GLIS3: variants seen among roughly 807,000 people sequenced by gnomAD.
The protein encoded by GLIS3 is zinc finger protein GLIS3.
GLIS3 carries 53 observed loss-of-function variants against 78.6 expected under a neutral mutation model. The observed-to-expected ratio is 0.67, with a 90% CI of 0.54 to 0.85. GLIS3 has a LOEUF of 0.85. Ranked by LOEUF, GLIS3 falls within the 40% of genes least tolerant of loss-of-function variation. GLIS3 has a pLI of 0.00. For synonymous variants in GLIS3, 684 were observed against 509.9 expected, an observed-to-expected ratio of 1.34 and a Z score of -4.60; for missense variants, 1,703 against 1,231.1, an observed-to-expected ratio of 1.38 and a Z score of -5.74.
chr9:4,355,375 G>C, the GLIS3 span, among the ~76,000 whole-genome samples: 1 of 152,110 alleles, frequency 6.6e-6, no homozygotes, highest in Non-Finnish European at 1.5e-5. Context: ...AGAGGGGTAA[G>C]CACATGGCTG....
At position 3,976,795 on chromosome 9, in the gene GLIS3, CAAAAAAAAAAAAAAAAAAAAAAAAAAAAA is replaced by C. The variant is rs540496174; in HGVS notation, c.1711-39635_1711-39607del. On this transcript the variant is annotated intron_variant, in intron 4 of 10. Coordinates refer to ENST00000381971, the MANE Select transcript of GLIS3 (RefSeq NM_001042413.2). ...ATGGGAGACAGAAATCCTCCCCCTG[CAAAAAAAAAAAAAAAAAAAAAAAAAAAAA>C]AAAAAAAAAAAAAAAAAAATCCACA... Among the ~76,000 whole-genome samples the C allele has an allele frequency of 6.2e-3, 162 of 26,184 alleles. 4 individuals carry two copies. The East Asian group carries it at 0.086, about 14-fold the overall frequency. 17.2% of individuals were successfully genotyped at this position (26,184 alleles called of 152,430 possible).
chr9:4,477,050 T>C, the GLIS3 span, among the ~76,000 whole-genome samples: 2 of 152,096 alleles, frequency 1.3e-5, no homozygotes, highest in African/African-American at 4.8e-5. Context: ...GTTCCAGTAA[T>C]TATGCTTCTG....
chr9:3,898,774 A>G lies in GLIS3; in HGVS notation c.2045T>C (p.Leu682Pro). 6.2e-7 allele frequency: 1 copy of G among 1,614,196 alleles called. No homozygotes were observed. Among genetic ancestry groups the G allele is most frequent in the Non-Finnish European group, 8.5e-7 (1 of 1,180,028 alleles). ...LLTDCLTVQS[L>P]QPATSPRDAA... ...ATCTCTAGGGGAAGTGGCCGGCTGCAGGGACTGCACGGTGAGGCAATCTGT... is the reference window on the plus strand; with the variant it reads ...ATCTCTAGGGGAAGTGGCCGGCTGCGGGGACTGCACGGTGAGGCAATCTGT... The change falls in exon 7 of 11, where the codon CTG becomes CCG. Residue 682 changes from leucine (L) to proline (P), a missense_variant. Coordinates refer to ENST00000381971, the MANE Select transcript of GLIS3 (RefSeq NM_001042413.2).
chr9:4,488,180 C>G, the GLIS3 span, among the ~76,000 whole-genome samples: 3 of 152,070 alleles, frequency 2.0e-5, no homozygotes, highest in African/African-American at 7.2e-5. Context: ...GTCCTAAACT[C>G]CTGGGCTTAA....
At chr9:4,425,707 C>G in the GLIS3 span, among the ~76,000 whole-genome samples, 2 of 152,314 alleles carry the variant, frequency 1.3e-5, no homozygotes, top group South Asian at 2.1e-4. Context: ...CCTGCTGACA[C>G]CTCACATGAG....
intron 4 of GLIS3, among the ~76,000 whole-genome samples, chr9:4,068,944 G>A (rs1422343286): frequency 6.6e-6 from 1 of 151,810 alleles, no homozygotes; most frequent in African/African-American, 2.4e-5. Context: ...AGAAAAATAA[G>A]GGATTTAAAA....
chr9:3,998,828 A>T (rs1217429417), intron 4 of GLIS3, among the ~76,000 whole-genome samples: 1 of 149,948 alleles, frequency 6.7e-6, no homozygotes, highest in African/African-American at 2.4e-5. Flanking sequence ...TTGGTTCAAA[A>T]GTCGAAACTA....
At chr9:4,451,112 T>G in the GLIS3 span, among the ~76,000 whole-genome samples, 28 of 152,320 alleles carry the variant, frequency 1.8e-4, no homozygotes, top group African/African-American at 6.7e-4. Context: ...CCATCTCATG[T>G]GCAGAGACAT....
At chr9:3,903,652 C>T (rs752745665) in intron 6 of GLIS3, among the ~76,000 whole-genome samples, 2 of 152,120 alleles carry the variant, frequency 1.3e-5, no homozygotes, top group African/African-American at 2.4e-5. Context: ...AGAAATACAA[C>T]AGCAATCAAA....
chr9:4,111,537 A>C (rs1453472338), intron 4 of GLIS3, among the ~76,000 whole-genome samples: 1 of 152,254 alleles, frequency 6.6e-6, no homozygotes, highest in East Asian at 1.9e-4. Context: ...GTTTTGGGAT[A>C]TGAAATCCTA....
At chr9:4,469,341 G>A in the GLIS3 span, among the ~76,000 whole-genome samples, 1 of 151,898 alleles carries the variant, frequency 6.6e-6, no homozygotes, top group African/African-American at 2.4e-5. Flanking sequence ...ACATTCTTTT[G>A]AGCACCACAC....
At chr9:4,200,158 C>T (rs748504905) in intron 2 of GLIS3, among the ~76,000 whole-genome samples, 6 of 151,962 alleles carry the variant, frequency 3.9e-5, no homozygotes, top group Admixed American at 6.6e-5. Flanking sequence ...GACAAAGCAG[C>T]GCTAACAGGA....
intron 2 of GLIS3, among the ~76,000 whole-genome samples, chr9:4,284,803 A>T (rs765230303): frequency 5.3e-5 from 8 of 151,928 alleles, no homozygotes; most frequent in Non-Finnish European, 8.8e-5. Context: ...CTGTGGTCCC[A>T]GCTACTTGGG....
chr9:4,128,919 G>T (rs987127885), intron 2 of GLIS3, among the ~76,000 whole-genome samples: 1 of 152,216 alleles, frequency 6.6e-6, no homozygotes, highest in African/African-American at 2.4e-5. Flanking sequence ...AAAAGGCCAA[G>T]AAGCGATCAC....
chr9:4,150,429 G>A (rs573565151), intron 2 of GLIS3, among the ~76,000 whole-genome samples: 6 of 152,286 alleles, frequency 3.9e-5, no homozygotes, highest in East Asian at 1.9e-4. Context: ...GGGCAAAGTC[G>A]CAGGCCAGGA....
intron 8 of GLIS3, among the ~76,000 whole-genome samples, chr9:3,860,953 T>G (rs1354206549): frequency 6.6e-6 from 1 of 152,174 alleles, no homozygotes; most frequent in East Asian, 1.9e-4. Context: ...ATGTATCTAC[T>G]GGGCTAGAGG....
chr9:4,322,608 A>C (rs138163368), intron 2 of GLIS3, among the ~76,000 whole-genome samples: 6 of 152,050 alleles, frequency 3.9e-5, no homozygotes, highest in African/African-American at 1.5e-4. Flanking sequence ...CCATTCTAAC[A>C]GGTGTGAGAT....
rs542879810 is a variant in GLIS3 at position 4,289,262 on chromosome 9, G to A, written c.-98-2739C>T. Among the ~76,000 whole-genome samples the A allele has an allele frequency of 6.6e-5, 10 of 152,036 alleles. No homozygotes were observed. In the South Asian group the frequency reaches 1.5e-3, roughly 22 times the overall value. On this transcript the variant is annotated intron_variant, in intron 1 of 10. Transcript: ENST00000381971. ...GGCCTCTTGAAATTCTGTAACTCCA[G>A]GTAATTTAGAAAAGAAAGACTATCA...
intron 4 of GLIS3, among the ~76,000 whole-genome samples, chr9:4,016,267 C>T (rs935134066): frequency 6.6e-6 from 1 of 152,158 alleles, no homozygotes; most frequent in African/African-American, 2.4e-5. Flanking sequence ...ATCTGAAGCT[C>T]TATTATATGG....
Sources: gnomAD v4.1 joint callset for allele counts (sites outside exome capture counted in the v4.1 genomes callset) on GRCh38, gnomAD v4.1.1 for gene constraint, MANE v1.5 for transcripts, NCBI Gene and HGNC (gene_info 2026-07-23, HGNC 2026-07-21) for gene names.